CAMK2D: variants seen among roughly 807,000 people sequenced by gnomAD.
The protein encoded by CAMK2D is calcium/calmodulin-dependent protein kinase type II subunit delta.
CAMK2D carries 37 observed loss-of-function variants against 84.0 expected under a neutral mutation model. The ratio of observed to expected loss-of-function variants is 0.44; its 90% CI spans 0.34 to 0.58. The LOEUF (loss-of-function observed/expected upper bound fraction) is 0.58, where lower values mean the gene tolerates loss of function less well. Ranked by LOEUF, CAMK2D falls within the 20% of genes least tolerant of loss-of-function variation. CAMK2D has a pLI of 0.02. For missense variants in CAMK2D, 448 were observed against 652.5 expected (o/e 0.69, Z 3.41); for synonymous variants, 202 against 212.5 (o/e 0.95, Z 0.43).
At chr4:113,575,593 A>G (rs1173187551) in intron 4 of CAMK2D, among the ~76,000 whole-genome samples, 1 of 152,200 alleles carries the variant, frequency 6.6e-6, no homozygotes, top group African/African-American at 2.4e-5. Context: ...GTCAAACCAC[A>G]ATGTTTTTGT....
intron 16 of CAMK2D, among the ~76,000 whole-genome samples, chr4:113,494,054 T>C (rs894042066): frequency 2.0e-5 from 3 of 152,178 alleles, no homozygotes; most frequent in South Asian, 2.1e-4. Flanking sequence ...CTAAATTTTT[T>C]TCAAAGTTTT....
At chr4:113,690,510 T>C (rs77466978) in intron 2 of CAMK2D, among the ~76,000 whole-genome samples, 2,129 of 152,310 alleles carry the variant, frequency 0.014, 53 homozygotes, top group East Asian at 0.11. Context: ...ACAAGTATCA[T>C]CTTGGATAAA....
chr4:113,564,239 C>T (rs1247474578), intron 4 of CAMK2D, among the ~76,000 whole-genome samples: 1 of 152,164 alleles, frequency 6.6e-6, no homozygotes, highest in Non-Finnish European at 1.5e-5. Flanking sequence ...TTTACCATGA[C>T]ATGCATGGAC....
At chr4:113,478,804 T>C (rs1293143911) in intron 16 of CAMK2D, among the ~76,000 whole-genome samples, 1 of 152,204 alleles carries the variant, frequency 6.6e-6, no homozygotes, top group Non-Finnish European at 1.5e-5. Flanking sequence ...CCCCAAAACA[T>C]TATTTTCTCC....
At chr4:113,703,704 T>C (rs920582857) in intron 2 of CAMK2D, among the ~76,000 whole-genome samples, 2 of 152,148 alleles carry the variant, frequency 1.3e-5, no homozygotes, top group Non-Finnish European at 2.9e-5. Flanking sequence ...AGTTAAAATG[T>C]TTGGACTTTT....
rs34696947 is a variant in CAMK2D at position 113,726,374 on chromosome 4, C to CTTTT, written c.160+32942_160+32945dup. On this transcript the variant is annotated intron_variant, in intron 2 of 20. Coordinates refer to ENST00000511664, the MANE Select transcript of CAMK2D (RefSeq NM_001321571.2). ...CATAAGATTGCTTGTTTTGCTTGGGCTTTTTTTTTTTTTTTTTTTTTTTTG... is the reference window on the plus strand; with the variant it reads ...CATAAGATTGCTTGTTTTGCTTGGGCTTTTTTTTTTTTTTTTTTTTTTTTTTTTG... Among the ~76,000 whole-genome samples, 314 of 69,500 alleles carry CTTTT rather than the reference C, an allele frequency of 4.5e-3. 7 individuals carry two copies. The highest frequency in any genetic ancestry group is 8.9e-3 in the African/African-American group (158 of 17,768). 45.6% of individuals were successfully genotyped at this position (69,500 alleles called of 152,430 possible). A position where few individuals can be genotyped will look rare whatever the true frequency, so the allele number is the denominator to read the frequency against.
At chr4:113,607,302 G>A (rs1490933187) in intron 4 of CAMK2D, among the ~76,000 whole-genome samples, 1 of 152,154 alleles carries the variant, frequency 6.6e-6, no homozygotes, top group Non-Finnish European at 1.5e-5. Context: ...TGGATGAACT[G>A]GGACTGTGGA....
At chr4:113,517,423 T>A in intron 9 of CAMK2D, 140 bp downstream of exon 9, 1 of 442,200 alleles carries the variant, frequency 2.3e-6, no homozygotes, top group Non-Finnish European at 4.1e-6. Context: ...CATTTCTTTC[T>A]CCCTTTCCTT....
At chr4:113,498,736 ATAT>A (rs897068926) in intron 16 of CAMK2D, among the ~76,000 whole-genome samples, 2 of 152,208 alleles carry the variant, frequency 1.3e-5, no homozygotes, top group Non-Finnish European at 2.9e-5. Context: ...CTAAGAACTG[ATAT>A]TATTATTTCA....
intron 16 of CAMK2D, among the ~76,000 whole-genome samples, chr4:113,471,507 C>T (rs536340925): frequency 6.6e-6 from 1 of 152,318 alleles, no homozygotes; most frequent in African/African-American, 2.4e-5. Context: ...TCTGATGCCT[C>T]TCTGGAATTT....
chr4:113,580,917 G>A (rs2098805215), intron 4 of CAMK2D, among the ~76,000 whole-genome samples: 1 of 121,262 alleles, frequency 8.2e-6, no homozygotes, highest in Non-Finnish European at 1.6e-5. Context: ...GGAATGTGGG[G>A]TAGGGTGGGG....
At chr4:113,663,093 C>G (rs2099241650) in intron 2 of CAMK2D, among the ~76,000 whole-genome samples, 1 of 152,134 alleles carries the variant, frequency 6.6e-6, no homozygotes, top group Admixed American at 6.6e-5. Flanking sequence ...CTCTCTGGAC[C>G]TACCATTATC....
chr4:113,718,700 G>A (rs1396639387), intron 2 of CAMK2D, among the ~76,000 whole-genome samples: 1 of 152,210 alleles, frequency 6.6e-6, no homozygotes, highest in African/African-American at 2.4e-5. Flanking sequence ...TATAAACTAA[G>A]TTCCTCCCGA....
chr4:113,511,149 AAAC>A (rs768569723), intron 12 of CAMK2D, among the ~76,000 whole-genome samples: 7 of 152,202 alleles, frequency 4.6e-5, no homozygotes, highest in East Asian at 1.9e-4. Context: ...GAAAAAATAA[AAAC>A]AACAACTTTA....
intron 4 of CAMK2D, among the ~76,000 whole-genome samples, chr4:113,606,928 G>A (rs1176700817): frequency 6.6e-6 from 1 of 152,062 alleles, no homozygotes; most frequent in African/African-American, 2.4e-5. Context: ...ATCTTTAGGG[G>A]AAAAACAATT....
chr4:113,495,249 A>G (rs926594179), intron 16 of CAMK2D, among the ~76,000 whole-genome samples: 4 of 152,210 alleles, frequency 2.6e-5, no homozygotes, highest in Non-Finnish European at 4.4e-5. Flanking sequence ...ACTACACTAC[A>G]GTTTCCTCTA....
At chr4:113,547,801 C>T (rs2098594413) in intron 5 of CAMK2D, 85 bp from the exon 6 acceptor site, 5 of 751,412 alleles carry the variant, frequency 6.7e-6, no homozygotes, top group Non-Finnish European at 1.0e-5. Context: ...GGTTAAAGTG[C>T]AGAGCTAGCA....
chr4:113,619,698 T>C (rs1465017970), intron 3 of CAMK2D, among the ~76,000 whole-genome samples: 5 of 152,220 alleles, frequency 3.3e-5, no homozygotes, highest in African/African-American at 9.6e-5. Flanking sequence ...TTTCAGAGTA[T>C]TCATTTTTGT....
At chr4:113,577,735 C>T (rs1382820130) in intron 4 of CAMK2D, among the ~76,000 whole-genome samples, 2 of 144,726 alleles carry the variant, frequency 1.4e-5, no homozygotes, top group Non-Finnish European at 3.0e-5. Flanking sequence ...ACAGTTTTTT[C>T]CTTTGGGCTC....
Sources: gnomAD v4.1 joint callset for allele counts (sites outside exome capture counted in the v4.1 genomes callset) on GRCh38, gnomAD v4.1.1 for gene constraint, MANE v1.5 for transcripts, NCBI Gene and HGNC (gene_info 2026-07-23, HGNC 2026-07-21) for gene names.